Variants in SVOP observed in about 807,000 individuals in gnomAD.
SVOP encodes the protein synaptic vesicle 2-related protein.
SVOP carries 17 observed loss-of-function variants against 69.1 expected under a neutral mutation model. The ratio of observed to expected loss-of-function variants is 0.25; its 90% CI spans 0.17 to 0.37. SVOP has a LOEUF of 0.37. Ranked by LOEUF, SVOP falls within the 10% of genes least tolerant of loss-of-function variation. The pLI is 1.00. For missense variants in SVOP, 435 were observed against 597.5 expected (o/e 0.73, Z 2.84); for synonymous variants, 238 against 238.6 (o/e 1.00, Z 0.02).
chr12:108,978,367 T>C (rs1025714982), intron 3 of SVOP: 20 of 513,018 alleles, frequency 3.9e-5, no homozygotes, highest in Admixed American at 1.8e-4. Context: ...GTTCAACTCC[T>C]TCTTGGGGGC....
Position 109,020,762 on chromosome 12 carries a change from C to CG in SVOP, c.35+71_35+72insC, listed in dbSNP as rs1555254155. On this transcript the variant is annotated intron_variant, in intron 1 of 15. Transcript: ENST00000610966. ...AAACCATGCAGAGATGTACCCCCCC[C>CG]CACCCCCCTTGCAGGTTTTCGTTTT... The CG allele has an allele frequency of 1.1e-5, 4 of 379,824 alleles. No individual in the cohort carries two copies. In the East Asian group the frequency reaches 3.8e-4, roughly 36 times the overall value. 23.5% of individuals were successfully genotyped at this position (379,824 alleles called of 1,614,324 possible). A position where few individuals can be genotyped will look rare whatever the true frequency, so the allele number is the denominator to read the frequency against.
intron 2 of SVOP, among the ~76,000 whole-genome samples, chr12:108,982,672 TATCATCACCATCATC>T (rs1164150845): frequency 0.13 from 12,268 of 92,354 alleles, 604 homozygotes; most frequent in Middle Eastern, 0.24. Context: ...TCACCATCAT[TATCATCACCATCATC>T]ATCATCACCA....
At chr12:108,914,488 G>A (rs1032657045) in intron 15 of SVOP, among the ~76,000 whole-genome samples, 3 of 152,108 alleles carry the variant, frequency 2.0e-5, no homozygotes, top group African/African-American at 7.2e-5. Context: ...CTGCAATGAC[G>A]TCTAATTATC....
intron 12 of SVOP, among the ~76,000 whole-genome samples, chr12:108,921,423 A>G (rs1322814922): frequency 6.6e-6 from 1 of 152,112 alleles, no homozygotes; most frequent in African/African-American, 2.4e-5. Context: ...TTGGGAGGTA[A>G]TCCAAGAAAG....
At position 108,925,922 on chromosome 12, in the gene SVOP, C is replaced by CTT. The variant is rs796267674; in HGVS notation, c.1049-3127_1049-3126dup. ...CCTTTATCTGCCCTACATTCCTGAC[C>CTT]TTTTTTTTTTTTTTGAGACAGGGTC... On this transcript the variant is annotated intron_variant, in intron 11 of 15. Transcript: ENST00000610966. Among the ~76,000 whole-genome samples the CTT allele has an allele frequency of 5.1e-4, 73 of 143,574 alleles. 2 individuals carry two copies. Among genetic ancestry groups the CTT allele is most frequent in the Middle Eastern group, 7.3e-3 (2 of 274 alleles). 94.2% of individuals were successfully genotyped at this position (143,574 alleles called of 152,430 possible). A position where few individuals can be genotyped will look rare whatever the true frequency, so the allele number is the denominator to read the frequency against.
chr12:108,978,736 G>T lies in SVOP; in HGVS notation c.197-73C>A, dbSNP rs148358778. ...AGTTGTCCTAGTGTGGGGTTTTCTGGGGTGGTCCCCAGCCAAGCTAATTAA... is the reference window on the plus strand; with the variant it reads ...AGTTGTCCTAGTGTGGGGTTTTCTGTGGTGGTCCCCAGCCAAGCTAATTAA... On this transcript the variant is annotated intron_variant, in intron 2 of 15. Transcript: ENST00000610966. The T allele has an allele frequency of 0.012, 7,900 of 678,270 alleles. 458 individuals carry two copies. The African/African-American group carries it at 0.13, about 11-fold the overall frequency. 42.0% of individuals were successfully genotyped at this position (678,270 alleles called of 1,614,324 possible).
rs1036462049 is a variant in SVOP, at chr12:108,912,123, G to A, written c.*412C>T. ...GAGTGTGGGAGAAACCTACTGAACAGGTCCGGTGGGTGGACAGCAGGTGTC... is the reference window on the plus strand; with the variant it reads ...GAGTGTGGGAGAAACCTACTGAACAAGTCCGGTGGGTGGACAGCAGGTGTC... On this transcript the variant is annotated 3_prime_UTR_variant, in exon 16 of 16. Transcript: ENST00000610966. 13 of 988,932 alleles carry A rather than the reference G, an allele frequency of 1.3e-5. No individual in the cohort carries two copies. The highest frequency in any genetic ancestry group is 4.9e-4 in the Middle Eastern group (1 of 2,038). The allele number at this position is 988,932 out of a possible 1,614,324, so 61.3% of individuals were successfully genotyped here. A position where few individuals can be genotyped will look rare whatever the true frequency, so the allele number is the denominator to read the frequency against.
chr12:109,010,764 A>G (rs1372250778), intron 1 of SVOP, among the ~76,000 whole-genome samples: 1 of 152,130 alleles, frequency 6.6e-6, no homozygotes, highest in East Asian at 1.9e-4. Context: ...GGCCTCCCAA[A>G]GTGCTGGGAT....
At chr12:108,957,652 T>C (rs2137419997) in intron 6 of SVOP, among the ~76,000 whole-genome samples, 1 of 152,286 alleles carries the variant, frequency 6.6e-6, no homozygotes, top group South Asian at 2.1e-4. Context: ...ACCAGACATC[T>C]CTTGGTAATC....
At chr12:108,988,306 C>G (rs1481449874) in intron 1 of SVOP, among the ~76,000 whole-genome samples, 1 of 152,158 alleles carries the variant, frequency 6.6e-6, no homozygotes, top group Non-Finnish European at 1.5e-5. Flanking sequence ...CCCATGAAAT[C>G]ATTGCCAAGT....
chr12:108,966,472 G>A (rs748397630), intron 5 of SVOP, among the ~76,000 whole-genome samples: 24 of 151,920 alleles, frequency 1.6e-4, no homozygotes, highest in Non-Finnish European at 3.2e-4. Flanking sequence ...TGAACGCCCC[G>A]GCAGGAATCT....
At chr12:108,934,034 C>T (rs575420843) in intron 11 of SVOP, among the ~76,000 whole-genome samples, 161 bp downstream of exon 11, 21 of 152,172 alleles carry the variant, frequency 1.4e-4, no homozygotes, top group South Asian at 4.1e-4. Flanking sequence ...AGCTCCATCG[C>T]GACAAGACTG....
intron 1 of SVOP, among the ~76,000 whole-genome samples, chr12:109,004,856 TC>T (rs1365429319): frequency 6.6e-6 from 1 of 151,706 alleles, no homozygotes; most frequent in African/African-American, 2.4e-5. Flanking sequence ...TCCTGCCTCA[TC>T]CCCCCGAGTA....
rs556899197 is a variant in SVOP, at chr12:108,939,202, G to A, written c.769-247C>T. ...AATGATAAGAGATCCTACCTCTTAG[G>A]GCTCTTAAGAGGATTAAACAGGATA... On this transcript the variant is annotated intron_variant, in intron 8 of 15. Transcript: ENST00000610966. Among the ~76,000 whole-genome samples, 4 of 152,266 alleles carry A rather than the reference G, an allele frequency of 2.6e-5. No individual in the cohort carries two copies. The East Asian group carries it at 7.7e-4, about 29-fold the overall frequency.
At chr12:109,010,316 C>A (rs2040335023) in intron 1 of SVOP, among the ~76,000 whole-genome samples, 1 of 151,938 alleles carries the variant, frequency 6.6e-6, no homozygotes, top group South Asian at 2.1e-4. Flanking sequence ...AAATAAATTG[C>A]CCAAGATCAC....
At chr12:108,924,759 A>G (rs2039770164) in intron 11 of SVOP, among the ~76,000 whole-genome samples, 1 of 152,218 alleles carries the variant, frequency 6.6e-6, no homozygotes, top group South Asian at 2.1e-4. Context: ...GAGCCACAGG[A>G]TGTTTGGTTC....
At chr12:108,972,994 T>C (rs1468930132) in intron 4 of SVOP, among the ~76,000 whole-genome samples, 3 of 152,176 alleles carry the variant, frequency 2.0e-5, no homozygotes, top group African/African-American at 7.2e-5. Flanking sequence ...GAGATTTGAA[T>C]GATCCTACTC....
chr12:108,915,681 A>C lies in SVOP; in HGVS notation c.1440+102T>G, dbSNP rs964146525. On this transcript the variant is annotated intron_variant, in intron 15 of 15. Transcript: ENST00000610966. ...TGTGTTGTTATGATAAAATGAGCGA[A>C]TGCAACCCGAGGGCTCTGGGGACAG... 17 of 1,240,148 alleles carry C rather than the reference A, an allele frequency of 1.4e-5. No individual in the cohort carries two copies. The African/African-American group carries it at 2.1e-4, about 16-fold the overall frequency. 76.8% of individuals were successfully genotyped at this position (1,240,148 alleles called of 1,614,324 possible). A position where few individuals can be genotyped will look rare whatever the true frequency, so the allele number is the denominator to read the frequency against.
intron 1 of SVOP, among the ~76,000 whole-genome samples, chr12:108,985,771 A>C (rs2040162837): frequency 6.6e-6 from 1 of 152,190 alleles, no homozygotes; most frequent in Non-Finnish European, 1.5e-5. Context: ...CATGTTTTTA[A>C]AAGGTAAAAA....
Sources: gnomAD v4.1 joint callset for allele counts (sites outside exome capture counted in the v4.1 genomes callset) on GRCh38, gnomAD v4.1.1 for gene constraint, MANE v1.5 for transcripts, NCBI Gene and HGNC (gene_info 2026-07-23, HGNC 2026-07-21) for gene names.